HECTD4: variants seen among roughly 807,000 people sequenced by gnomAD.
HECTD4 encodes probable E3 ubiquitin-protein ligase HECTD4.
HECTD4 carries 114 observed loss-of-function variants against 471.5 expected under a neutral mutation model. The ratio of observed to expected loss-of-function variants is 0.24; its 90% CI spans 0.21 to 0.28. HECTD4 has a LOEUF of 0.28. Among genes scored for constraint, HECTD4 ranks in the 10% least tolerant of loss-of-function variants. The probability of loss-of-function intolerance (pLI) is 1.00; values close to 1 mark genes in which losing one functional copy is unlikely to be tolerated. For synonymous variants in HECTD4, 2,012 were observed against 2,256.0 expected (o/e 0.89, Z 3.07); for missense variants, 3,866 against 5,651.5 (o/e 0.68, Z 10.13).
chr12:112,205,358 C>T (rs1053942894), intron 52 of HECTD4, among the ~76,000 whole-genome samples: 10 of 152,092 alleles, frequency 6.6e-5, no homozygotes, highest in African/African-American at 2.2e-4. Flanking sequence ...TGTTTGAACC[C>T]GGGAGGTGGA....
chr12:112,344,395 A>G (rs952563802), intron 1 of HECTD4, among the ~76,000 whole-genome samples: 1 of 152,242 alleles, frequency 6.6e-6, no homozygotes, highest in African/African-American at 2.4e-5. Context: ...TGTTATGCAT[A>G]AAGAACATGA....
rs1045471019 is a variant in HECTD4 at position 112,302,290 on chromosome 12, G to A, written c.1335+3774C>T. The A allele has an allele frequency of 1.0e-5, 8 of 797,818 alleles. No homozygotes were observed. The African/African-American group carries it at 1.4e-4, about 13-fold the overall frequency. The allele number at this position is 797,818 out of a possible 1,614,324, so 49.4% of individuals were successfully genotyped here. A position where few individuals can be genotyped will look rare whatever the true frequency, so the allele number is the denominator to read the frequency against. On this transcript the variant is annotated intron_variant, in intron 7 of 75. Coordinates refer to ENST00000682272, the MANE Select transcript of HECTD4 (RefSeq NM_001388303.1). ...GGGCAGGTGGTCTCTTAGTGGGGAC[G>A]CCCCCTTTGCCAGCAGCTTTCTTCT...
intron 10 of HECTD4, 53 bp from the exon 11 acceptor site, chr12:112,273,848 C>A (rs1309043894): frequency 1.3e-6 from 2 of 1,589,846 alleles, no homozygotes; most frequent in Non-Finnish European, 1.7e-6. Flanking sequence ...TACCTGTATA[C>A]ATATTTCTCA....
At chr12:112,197,510 C>T (rs1466196860) in intron 55 of HECTD4, among the ~76,000 whole-genome samples, 1 of 152,228 alleles carries the variant, frequency 6.6e-6, no homozygotes, top group Non-Finnish European at 1.5e-5. Flanking sequence ...TTTAAAACCA[C>T]TGTGAGTGCT....
At chr12:112,277,297 G>A (rs910209185) in intron 9 of HECTD4, among the ~76,000 whole-genome samples, 3 of 152,104 alleles carry the variant, frequency 2.0e-5, no homozygotes, top group African/African-American at 2.4e-5. Context: ...GATGAACCTC[G>A]AAAACATTAT....
intron 1 of HECTD4, among the ~76,000 whole-genome samples, chr12:112,366,967 C>T (rs1306588268): frequency 6.7e-6 from 1 of 150,132 alleles, no homozygotes; most frequent in East Asian, 1.9e-4. Context: ...GGTACACTGC[C>T]AATACTACTT....
At chr12:112,206,437 A>G (rs1282874047) in intron 52 of HECTD4, among the ~76,000 whole-genome samples, 1 of 152,074 alleles carries the variant, frequency 6.6e-6, no homozygotes, top group African/African-American at 2.4e-5. Context: ...TGAGGCTGCA[A>G]TGAGCTATGA....
At position 112,246,913 on chromosome 12, in the gene HECTD4, C is replaced by A; in HGVS notation, c.4501G>T (p.Ala1501Ser). ...CTTTGAGCAGTACCTGGTGTTTCAG[C>A]AGGGGTCCCAGAGATGCTTCTCGTG... ...GLTRSISGTP[A>S]ETPACKSASE... Residue 1501 changes from alanine (A) to serine (S), a missense_variant, in exon 29 of 76, where the codon GCT becomes TCT. Coordinates refer to ENST00000682272, the MANE Select transcript of HECTD4 (RefSeq NM_001388303.1). 6.2e-7 allele frequency: 1 copy of A among 1,611,852 alleles called. No individual in the cohort carries two copies. Among genetic ancestry groups the A allele is most frequent in the Non-Finnish European group, 8.5e-7 (1 of 1,179,714 alleles).
chr12:112,261,188 T>C, intron 18 of HECTD4, 117 bp downstream of exon 18: 1 of 1,151,904 alleles, frequency 8.7e-7, no homozygotes, highest in Non-Finnish European at 1.2e-6. Flanking sequence ...TAGCCTATTC[T>C]CACAAAAATC....
chr12:112,340,520 G>A (rs1454865885), intron 1 of HECTD4, among the ~76,000 whole-genome samples: 3 of 152,144 alleles, frequency 2.0e-5, no homozygotes, highest in Admixed American at 1.3e-4. Flanking sequence ...TTTGGTTGTC[G>A]CAAGTATAGA....
In HECTD4 at chr12:112,167,305, C is replaced by T. The variant is rs1387312153; in HGVS notation, c.12534+12G>A. The T allele has an allele frequency of 6.2e-7, 1 of 1,602,600 alleles. No homozygotes were observed. Among genetic ancestry groups the T allele is most frequent in the South Asian group, 1.1e-5 (1 of 89,628 alleles). ...GGTTCTGCAGCCCCCCAGAACTGTG[C>T]CTTGCACTCACGCTCTCAAACTTCT... On this transcript the variant is annotated intron_variant, in intron 72 of 75. Transcript: ENST00000682272.
chr12:112,239,328 T>C lies in HECTD4; in HGVS notation c.5106-92A>G. ...AGGTTCAAAGGGGCATAAAACATGCTGGTGCAGCTCTTTCCCTACAACTTA... is the reference window on the plus strand; with the variant it reads ...AGGTTCAAAGGGGCATAAAACATGCCGGTGCAGCTCTTTCCCTACAACTTA... On this transcript the variant is annotated intron_variant, in intron 33 of 75. Transcript: ENST00000682272. The surrounding 1 kb of genome is among the most constrained non-coding windows in gnomAD (Gnocchi z 4.9). 4.5e-6 allele frequency: 5 copies of C among 1,103,542 alleles called. No individual in the cohort carries two copies. The highest frequency in any genetic ancestry group is 5.1e-6 in the Non-Finnish European group (4 of 787,334). 68.4% of individuals were successfully genotyped at this position (1,103,542 alleles called of 1,614,324 possible).
In HECTD4 at chr12:112,374,707, A is replaced by T. The variant is rs2036746015; in HGVS notation, c.177+7245T>A. ...TTCCAAAGGATTTTGCCCAAAGGAT[A>T]TATAGGCTAGCAGTGTCCTCCTAGG... On this transcript the variant is annotated intron_variant, in intron 1 of 75. Coordinates refer to ENST00000682272, the MANE Select transcript of HECTD4 (RefSeq NM_001388303.1). Among the ~76,000 whole-genome samples, 3 of 152,236 alleles carry T rather than the reference A, an allele frequency of 2.0e-5. No individual in the cohort carries two copies. The South Asian group carries it at 6.2e-4, about 32-fold the overall frequency.
In HECTD4 at chr12:112,279,340, G is replaced by T; in HGVS notation, c.1575C>A (p.Pro525=). The T allele has an allele frequency of 1.2e-6, 2 of 1,610,508 alleles. No homozygotes were observed. Among genetic ancestry groups the T allele is most frequent in the Non-Finnish European group, 1.7e-6 (2 of 1,179,208 alleles). ...CCAAGTAGGTGCCACAGGTATATAT[G>T]GGTGTCTTCCGCAGCATTTTTAGAG... ...GLPLKMLRKT[P]IYTCGTYLVM... The change falls in exon 9 of 76, where the codon CCC becomes CCA. Residue 525 remains proline (P), a synonymous_variant. Coordinates refer to ENST00000682272, the MANE Select transcript of HECTD4 (RefSeq NM_001388303.1).
chr12:112,205,193 T>C (rs1028846884), intron 52 of HECTD4, among the ~76,000 whole-genome samples: 3 of 151,428 alleles, frequency 2.0e-5, no homozygotes, highest in African/African-American at 4.9e-5. Flanking sequence ...CCCAACACTT[T>C]GGGAGGCCGA....
At chr12:112,262,592 T>A (rs2034174757) in intron 17 of HECTD4, among the ~76,000 whole-genome samples, 1 of 144,770 alleles carries the variant, frequency 6.9e-6, no homozygotes, top group Non-Finnish European at 1.5e-5. Context: ...AACTTTCTCA[T>A]TGTTGGAATT....
chr12:112,183,950 C>A (rs1438496887), intron 61 of HECTD4, among the ~76,000 whole-genome samples: 1 of 152,240 alleles, frequency 6.6e-6, no homozygotes, highest in African/African-American at 2.4e-5. Flanking sequence ...CGCCCACCCA[C>A]CGCGGAAGGC....
chr12:112,325,712 G>A (rs1184016331), intron 1 of HECTD4, among the ~76,000 whole-genome samples: 1 of 152,096 alleles, frequency 6.6e-6, no homozygotes, highest in Non-Finnish European at 1.5e-5. Flanking sequence ...GTACTTTGGT[G>A]ATAATGCTAA....
chr12:112,209,991 A>C, intron 50 of HECTD4, 24 bp downstream of exon 50: 2 of 1,561,944 alleles, frequency 1.3e-6, no homozygotes, highest in Non-Finnish European at 1.8e-6. Flanking sequence ...CCATGGAGGC[A>C]GTAAGTTCCA....
Sources: gnomAD v4.1 joint callset for allele counts (sites outside exome capture counted in the v4.1 genomes callset) on GRCh38, gnomAD v4.1.1 for gene constraint, Gnocchi (gnomAD v3.1) non-coding constraint, MANE v1.5 for transcripts, NCBI Gene and HGNC (gene_info 2026-07-23, HGNC 2026-07-21) for gene names.